Variants in TNRC6B observed in about 807,000 individuals in gnomAD.
TNRC6B encodes the protein trinucleotide repeat containing adaptor 6B, also known as trinucleotide repeat-containing gene 6B protein.
TNRC6B carries 52 observed loss-of-function variants against 203.6 expected under a neutral mutation model. The observed-to-expected ratio is 0.26, with a 90% confidence interval of 0.20 to 0.32. The LOEUF (loss-of-function observed/expected upper bound fraction) is 0.32, where lower values mean the gene tolerates loss of function less well. Ranked by LOEUF, TNRC6B falls within the 10% of genes least tolerant of loss-of-function variation. The pLI is 1.00. For synonymous variants in TNRC6B, 838 were observed against 845.7 expected, an observed-to-expected ratio of 0.99 and a Z score of 0.16; for missense variants, 1,923 against 2,286.2, an observed-to-expected ratio of 0.84 and a Z score of 3.24.
chr22:40,289,776 A>T (rs2070843647), intron 12 of TNRC6B, among the ~76,000 whole-genome samples: 1 of 152,190 alleles, frequency 6.6e-6, no homozygotes, highest in African/African-American at 2.4e-5. Flanking sequence ...TTCAGCCCAC[A>T]TCATTTTTCC....
At chr22:40,175,491 T>C (rs2069047318), upstream of TNRC6B, among the ~76,000 whole-genome samples, 1 of 152,196 alleles carries the variant, frequency 6.6e-6, no homozygotes, top group South Asian at 2.1e-4. Context: ...CATATAAATA[T>C]TTGTATACAA....
chr22:40,313,335 A>G (rs1382544927), intron 19 of TNRC6B, among the ~76,000 whole-genome samples: 1 of 152,206 alleles, frequency 6.6e-6, no homozygotes, highest in Admixed American at 6.5e-5. Flanking sequence ...AGAACCAGTG[A>G]AGGCCAGGTT....
At chr22:40,078,251 G>T (rs1370117512) in intron 1 of TNRC6B, among the ~76,000 whole-genome samples, 1 of 152,204 alleles carries the variant, frequency 6.6e-6, no homozygotes, top group African/African-American at 2.4e-5. Flanking sequence ...TGATTGGCTG[G>T]TTTTAGTGGT....
At chr22:40,287,769 A>ATC (rs539542793) in intron 12 of TNRC6B, among the ~76,000 whole-genome samples, 214 of 152,294 alleles carry the variant, frequency 1.4e-3, no homozygotes, top group Non-Finnish European at 2.4e-3. Context: ...AGAAAATGCC[A>ATC]TCTCTCTCTC....
upstream of TNRC6B, among the ~76,000 whole-genome samples, chr22:40,173,526 G>C (rs1204157640): frequency 6.7e-6 from 1 of 149,542 alleles, no homozygotes. Flanking sequence ...CGTGATCTCA[G>C]CTCAGCCTCC....
intron 3 of TNRC6B, among the ~76,000 whole-genome samples, chr22:40,143,996 A>G (rs1301195937): frequency 1.3e-5 from 2 of 152,346 alleles, no homozygotes; most frequent in Non-Finnish European, 2.9e-5. Flanking sequence ...TGAGCAAAAT[A>G]CAAATTAAAA....
intron 1 of TNRC6B, among the ~76,000 whole-genome samples, chr22:40,226,091 C>G (rs991794379): frequency 1.3e-5 from 2 of 152,188 alleles, no homozygotes; most frequent in Non-Finnish European, 2.9e-5. Context: ...CAGCTTTACT[C>G]TATAGTTTTT....
intron 3 of TNRC6B, among the ~76,000 whole-genome samples, chr22:40,252,477 T>G (rs2070209367): frequency 6.6e-6 from 1 of 152,226 alleles, no homozygotes; most frequent in Non-Finnish European, 1.5e-5. Context: ...TGTCACACAA[T>G]GATGAAAGAG....
chr22:40,226,592 G>A (rs2069789137), intron 1 of TNRC6B, among the ~76,000 whole-genome samples: 1 of 152,156 alleles, frequency 6.6e-6, no homozygotes, highest in South Asian at 2.1e-4. Flanking sequence ...TTCCTTGATG[G>A]ACTGCATTAC....
intron 1 of TNRC6B, among the ~76,000 whole-genome samples, chr22:40,224,131 C>CAA (rs1459026525): frequency 1.3e-5 from 2 of 152,030 alleles, no homozygotes; most frequent in African/African-American, 4.8e-5. Context: ...CTCAGCCTCT[C>CAA]GTAGCTGGGA....
chr22:40,197,860 C>T (rs986072708), intron 1 of TNRC6B, among the ~76,000 whole-genome samples: 1 of 151,896 alleles, frequency 6.6e-6, no homozygotes, highest in Non-Finnish European at 1.5e-5. Context: ...GATTCTCCCA[C>T]CTCAGCCTCC....
At chr22:40,208,013 C>T (rs1399669001) in intron 1 of TNRC6B, among the ~76,000 whole-genome samples, 1 of 149,232 alleles carries the variant, frequency 6.7e-6, no homozygotes, top group Non-Finnish European at 1.5e-5. Context: ...ACTCGGGAGG[C>T]TGAGGCAGGA....
chr22:40,057,642 A>G (rs1232602872), intron 1 of TNRC6B, among the ~76,000 whole-genome samples: 3 of 152,102 alleles, frequency 2.0e-5, no homozygotes, highest in African/African-American at 7.2e-5. Context: ...ATATATACAT[A>G]TCTCGAGCCT....
chr22:40,310,306 T>A (rs568285875), intron 16 of TNRC6B, among the ~76,000 whole-genome samples: 3 of 152,218 alleles, frequency 2.0e-5, no homozygotes, highest in Non-Finnish European at 2.9e-5. Context: ...CAATTGCAGA[T>A]GCTTTTCCCT....
chr22:40,118,327 G>A (rs2068410509), intron 2 of TNRC6B, among the ~76,000 whole-genome samples: 1 of 151,342 alleles, frequency 6.6e-6, no homozygotes, highest in Non-Finnish European at 1.5e-5. Context: ...TAGACACCTT[G>A]CTAAGAGTTC....
rs1318141823 is a variant in TNRC6B, at chr22:40,253,087, T to C, written c.115+1887T>C. ...AGAAAATCTGTTAGGCATCTTTTCT[T>C]TTTTTTCTTTTTTTCTTTTTTTTTT... On this transcript the variant is annotated intron_variant, in intron 3 of 22. Transcript: ENST00000454349. Among the ~76,000 whole-genome samples, 4 of 145,816 alleles carry C rather than the reference T, an allele frequency of 2.7e-5. No individual in the cohort carries two copies. The East Asian group carries it at 7.7e-4, about 28-fold the overall frequency.
intron 3 of TNRC6B, among the ~76,000 whole-genome samples, chr22:40,259,661 A>G (rs1331758190): frequency 6.6e-6 from 1 of 152,136 alleles, no homozygotes; most frequent in Non-Finnish European, 1.5e-5. Context: ...GTTACCTGGA[A>G]ATTGCTGCAG....
In TNRC6B at chr22:40,066,246, T is replaced by C. The variant is rs541261038; in HGVS notation, c.-121+21248T>C. ...TCTCAGGGATCACATCACTGTCCCA[T>C]GCTGCCTGTGGCCAGTATCTTAAAA... On this transcript the variant is annotated intron_variant, in intron 1 of 23. Transcript: ENST00000301923. Among the ~76,000 whole-genome samples the C allele has an allele frequency of 1.6e-4, 24 of 152,304 alleles. 1 individual carries two copies. The highest frequency in any genetic ancestry group is 5.8e-4 in the African/African-American group (24 of 41,542).
At chr22:40,252,427 ATTGTT>A (rs568392088) in intron 3 of TNRC6B, among the ~76,000 whole-genome samples, 1 of 152,310 alleles carries the variant, frequency 6.6e-6, no homozygotes, top group East Asian at 1.9e-4. Flanking sequence ...TGGTTTCTTC[ATTGTT>A]TTGTTTTGTT....
Sources: gnomAD v4.1 joint callset for allele counts (sites outside exome capture counted in the v4.1 genomes callset) on GRCh38, gnomAD v4.1.1 for gene constraint, MANE v1.5 for transcripts, NCBI Gene and HGNC (gene_info 2026-07-23, HGNC 2026-07-21) for gene names.